The following ATOSA variants were observed in gnomAD, a reference collection of about 807,000 sequenced individuals.
The protein encoded by ATOSA is atos homolog protein A.
At chr15:52,661,376 G>C in the ATOSA span, among the ~76,000 whole-genome samples, 1 of 152,188 alleles carries the variant, frequency 6.6e-6, no homozygotes. Flanking sequence ...TGCTCTGCTA[G>C]AGGCATGAAG....
the ATOSA span, chr15:52,611,742 T>C: frequency 1.9e-6 from 3 of 1,614,016 alleles, no homozygotes; most frequent in East Asian, 2.2e-5. Context: ...TCCACAACAA[T>C]GTGACCTCAG....
At chr15:52,608,837 A>T in the ATOSA span, 1 of 1,606,776 alleles carries the variant, frequency 6.2e-7, no homozygotes, top group Non-Finnish European at 8.5e-7. Flanking sequence ...AAATATTCAG[A>T]CATTTCCAAC....
chr15:52,595,328 T>C, the ATOSA span, among the ~76,000 whole-genome samples: 1 of 152,208 alleles, frequency 6.6e-6, no homozygotes, highest in Admixed American at 6.5e-5. Flanking sequence ...AAACTTTGTA[T>C]TCCTAGCACA....
chr15:52,656,558 G>A, the ATOSA span: 1 of 152,056 alleles, frequency 6.6e-6, no homozygotes, highest in East Asian at 1.9e-4. Context: ...GGGTTATGAT[G>A]ACCTAGATTA....
At chr15:52,636,014 AAATAAATATATAAAT>A in the ATOSA span, among the ~76,000 whole-genome samples, 20 of 148,114 alleles carry the variant, frequency 1.4e-4, no homozygotes, top group Admixed American at 1.3e-3. Flanking sequence ...GTCAAATAAT[AAATAAATATATAAAT>A]AATAAATATA....
chr15:52,598,373 T>C, the ATOSA span, among the ~76,000 whole-genome samples: 2 of 152,188 alleles, frequency 1.3e-5, no homozygotes, highest in African/African-American at 4.8e-5. Context: ...TTGGGTGTTA[T>C]TCTGTGTCCA....
the ATOSA span, chr15:52,649,762 T>C: frequency 2.6e-5 from 4 of 152,196 alleles, no homozygotes; most frequent in African/African-American, 9.6e-5. Flanking sequence ...TATAACTGAC[T>C]AGATTATAAA....
chr15:52,703,729 A>G, the ATOSA span, among the ~76,000 whole-genome samples: 1 of 152,138 alleles, frequency 6.6e-6, no homozygotes, highest in African/African-American at 2.4e-5. Context: ...CATTAGGAGA[A>G]ATACCTAATG....
the ATOSA span, chr15:52,593,853 T>A: frequency 1.0e-6 from 1 of 997,330 alleles, no homozygotes; most frequent in Non-Finnish European, 1.4e-6. Flanking sequence ...AAGAAATATA[T>A]TACTATGCTT....
At chr15:52,612,801 C>T in the ATOSA span, among the ~76,000 whole-genome samples, 1 of 152,000 alleles carries the variant, frequency 6.6e-6, no homozygotes. Context: ...CTGCGCCCAG[C>T]CTCAAAATAG....
At chr15:52,664,295 T>C in the ATOSA span, among the ~76,000 whole-genome samples, 13 of 152,344 alleles carry the variant, frequency 8.5e-5, no homozygotes, top group African/African-American at 1.2e-4. Flanking sequence ...AACTTTATTA[T>C]AGTTACAGTT....
At chr15:52,607,968 A>G in the ATOSA span, among the ~76,000 whole-genome samples, 16 of 151,940 alleles carry the variant, frequency 1.1e-4, no homozygotes, top group Non-Finnish European at 2.2e-4. Flanking sequence ...GCAACCTTCA[A>G]CTCCTGGGCT....
At chr15:52,673,601 T>C in the ATOSA span, among the ~76,000 whole-genome samples, 1 of 152,246 alleles carries the variant, frequency 6.6e-6, no homozygotes, top group African/African-American at 2.4e-5. Context: ...GTATTAGCTG[T>C]TGCTACTCAT....
the ATOSA span, among the ~76,000 whole-genome samples, chr15:52,698,747 G>T: frequency 1.3e-5 from 2 of 152,172 alleles, no homozygotes; most frequent in African/African-American, 4.8e-5. Flanking sequence ...AGAATTGCAT[G>T]CGGTACAGAA....
At chr15:52,697,875 A>G in the ATOSA span, among the ~76,000 whole-genome samples, 2 of 151,810 alleles carry the variant, frequency 1.3e-5, no homozygotes, top group African/African-American at 4.8e-5. Flanking sequence ...ACAAATTAAA[A>G]ATCACAAGAA....
At chr15:52,634,892 GTGCCTGGCCAGA>G in the ATOSA span, among the ~76,000 whole-genome samples, 6 of 152,062 alleles carry the variant, frequency 3.9e-5, no homozygotes, top group African/African-American at 1.4e-4. Flanking sequence ...GTGAGCCATG[GTGCCTGGCCAGA>G]TGTCAATTTT....
chr15:52,631,138 A>C, the ATOSA span, among the ~76,000 whole-genome samples: 1 of 152,186 alleles, frequency 6.6e-6, no homozygotes. Flanking sequence ...TGCTCTTTGT[A>C]GCTATGATAT....
chr15:52,674,935 G>A, the ATOSA span, among the ~76,000 whole-genome samples: 1 of 151,500 alleles, frequency 6.6e-6, no homozygotes, highest in Non-Finnish European at 1.5e-5. Flanking sequence ...TTTAATATCT[G>A]CTATGTGCCA....
the ATOSA span, among the ~76,000 whole-genome samples, chr15:52,603,032 A>G: frequency 1.3e-5 from 2 of 152,194 alleles, no homozygotes; most frequent in Non-Finnish European, 2.9e-5. Flanking sequence ...GACTTAGTCT[A>G]CCATATTGAC....
Sources: gnomAD v4.1 joint callset for allele counts (sites outside exome capture counted in the v4.1 genomes callset) on GRCh38, gnomAD v4.1.1 for gene constraint, MANE v1.5 for transcripts, NCBI Gene and HGNC (gene_info 2026-07-23, HGNC 2026-07-21) for gene names.